Variants in CADPS2 observed in about 807,000 individuals in gnomAD.
CADPS2 encodes calcium dependent secretion activator 2, also known as calcium-dependent secretion activator 2.
A neutral mutation model predicts 172.5 loss-of-function variants in CADPS2; 93 were observed. The ratio of observed to expected loss-of-function variants is 0.54; its 90% CI spans 0.46 to 0.64. CADPS2 has a LOEUF of 0.64. Among genes scored for constraint, CADPS2 ranks in the 30% least tolerant of loss-of-function variants. CADPS2 has a pLI of 0.00. For synonymous variants in CADPS2, 546 were observed against 555.2 expected (o/e 0.98, Z 0.23); for missense variants, 1,420 against 1,565.9 (o/e 0.91, Z 1.57).
At chr7:122,760,001 T>TAC (rs1002441217) in intron 1 of CADPS2, among the ~76,000 whole-genome samples, 61 of 150,362 alleles carry the variant, frequency 4.1e-4, no homozygotes, top group Non-Finnish European at 4.9e-4. Context: ...TATATATATA[T>TAC]ACACACACAC....
chr7:122,659,880 A>T (rs955872393), intron 3 of CADPS2, among the ~76,000 whole-genome samples: 3 of 152,118 alleles, frequency 2.0e-5, no homozygotes, highest in Non-Finnish European at 4.4e-5. Flanking sequence ...AGAAAAAAAA[A>T]TCTAACAGAT....
intron 28 of CADPS2, among the ~76,000 whole-genome samples, chr7:122,343,949 G>A (rs904384477): frequency 6.6e-6 from 1 of 152,122 alleles, no homozygotes; most frequent in Non-Finnish European, 1.5e-5. Context: ...GGGCATCAAA[G>A]CTTTTAGAAA....
At chr7:122,446,622 G>C (rs2052249497) in intron 15 of CADPS2, among the ~76,000 whole-genome samples, 1 of 152,106 alleles carries the variant, frequency 6.6e-6, no homozygotes, top group African/African-American at 2.4e-5. Flanking sequence ...CCAGACTTTG[G>C]ATAGTTTCCT....
chr7:122,438,265 G>T, intron 17 of CADPS2, 76 bp downstream of exon 17: 2 of 1,562,144 alleles, frequency 1.3e-6, no homozygotes, highest in Non-Finnish European at 8.8e-7. Flanking sequence ...GAAAGGAAAG[G>T]ACTTCTCATA....
chr7:122,792,828 C>T (rs1464030889), intron 1 of CADPS2, among the ~76,000 whole-genome samples: 1 of 152,156 alleles, frequency 6.6e-6, no homozygotes, highest in African/African-American at 2.4e-5. Flanking sequence ...CTGGTCTCTC[C>T]AGACTAACTG....
At chr7:122,699,160 A>G (rs1020016581) in intron 2 of CADPS2, 17 of 434,868 alleles carry the variant, frequency 3.9e-5, no homozygotes, top group African/African-American at 2.6e-4. Flanking sequence ...ACTGCTTACT[A>G]TTGTGTGATG....
At chr7:122,569,154 CCTT>C (rs1479239817) in intron 7 of CADPS2, among the ~76,000 whole-genome samples, 1 of 152,120 alleles carries the variant, frequency 6.6e-6, no homozygotes, top group Non-Finnish European at 1.5e-5. Flanking sequence ...CCCAAAATCT[CCTT>C]AAGCTGATAA....
chr7:122,551,911 T>A (rs563593653), intron 8 of CADPS2, among the ~76,000 whole-genome samples: 1 of 152,290 alleles, frequency 6.6e-6, no homozygotes, highest in Admixed American at 6.5e-5. Flanking sequence ...TTCTTAAATG[T>A]AATTAAGTGC....
rs796772494 is a variant in CADPS2, at chr7:122,758,086, TCTC to T, written c.340-21021_340-21019del. 4.5e-4 allele frequency among the ~76,000 whole-genome samples: 69 copies of T among 152,318 alleles called. 1 individual carries two copies. The highest frequency in any genetic ancestry group is 1.5e-3 in the African/African-American group (64 of 41,572). On this transcript the variant is annotated intron_variant, in intron 1 of 29. Transcript: ENST00000449022. ...AGAATCAAGAAAAGTCAAGCTTGCT[TCTC>T]CTTATACTTTAATAACCTCCTTATA...
intron 1 of CADPS2, among the ~76,000 whole-genome samples, chr7:122,877,712 T>C (rs1821571221): frequency 6.6e-6 from 1 of 152,198 alleles, no homozygotes; most frequent in Admixed American, 6.5e-5. Context: ...GAAGATATCG[T>C]ATGCTCCTAG....
At chr7:122,561,364 G>GA (rs2065754303) in intron 7 of CADPS2, among the ~76,000 whole-genome samples, 1 of 150,694 alleles carries the variant, frequency 6.6e-6, no homozygotes, top group East Asian at 1.9e-4. Context: ...GCCTTTTTTT[G>GA]AAAAAACAAA....
At chr7:122,415,387 A>C (rs1366124067) in intron 18 of CADPS2, among the ~76,000 whole-genome samples, 1 of 152,102 alleles carries the variant, frequency 6.6e-6, no homozygotes, top group Non-Finnish European at 1.5e-5. Context: ...TTTGCCTCTT[A>C]CCAGTTACAC....
At chr7:122,426,764 G>A (rs1213727002) in intron 17 of CADPS2, among the ~76,000 whole-genome samples, 1 of 152,190 alleles carries the variant, frequency 6.6e-6, no homozygotes, top group Non-Finnish European at 1.5e-5. Context: ...GTAAGTAAAT[G>A]AGAGGTCACC....
chr7:122,535,774 C>G (rs1484539670), intron 8 of CADPS2, among the ~76,000 whole-genome samples: 1 of 152,060 alleles, frequency 6.6e-6, no homozygotes, highest in Admixed American at 6.6e-5. Flanking sequence ...ATATACTGAG[C>G]CCCACATCAG....
At chr7:122,717,556 T>C (rs888435065) in intron 2 of CADPS2, among the ~76,000 whole-genome samples, 3 of 152,140 alleles carry the variant, frequency 2.0e-5, no homozygotes, top group East Asian at 3.9e-4. Flanking sequence ...CTTTCATAAC[T>C]AGATGTAAAT....
At chr7:122,591,139 C>A (rs1035715600) in intron 6 of CADPS2, among the ~76,000 whole-genome samples, 1 of 152,006 alleles carries the variant, frequency 6.6e-6, no homozygotes, top group Non-Finnish European at 1.5e-5. Context: ...TCAGCAAACT[C>A]TCAGGATACA....
At chr7:122,490,877 C>G (rs2058222282) in intron 10 of CADPS2, among the ~76,000 whole-genome samples, 1 of 151,878 alleles carries the variant, frequency 6.6e-6, no homozygotes, top group Non-Finnish European at 1.5e-5. Flanking sequence ...TTTTAAATAT[C>G]AGGTGTCCAA....
chr7:122,348,608 T>C, intron 27 of CADPS2, among the ~76,000 whole-genome samples: 1 of 152,214 alleles, frequency 6.6e-6, no homozygotes, highest in South Asian at 2.1e-4. Context: ...CATTCTTCAC[T>C]GGAATTATTT....
intron 1 of CADPS2, among the ~76,000 whole-genome samples, chr7:122,868,417 T>A (rs1818842806): frequency 6.6e-6 from 1 of 152,108 alleles, no homozygotes. Context: ...AAATATATAT[T>A]TAACATTCTA....
Sources: gnomAD v4.1 joint callset for allele counts (sites outside exome capture counted in the v4.1 genomes callset) on GRCh38, gnomAD v4.1.1 for gene constraint, MANE v1.5 for transcripts, NCBI Gene and HGNC (gene_info 2026-07-23, HGNC 2026-07-21) for gene names.